The following XRRA1 variants were observed in gnomAD, a reference collection of about 807,000 sequenced individuals.
XRRA1 encodes the protein X-ray radiation resistance associated 1.
A neutral mutation model predicts 80.2 loss-of-function variants in XRRA1; 69 were observed. That is an observed-to-expected ratio of 0.86 (90% CI 0.71 to 1.05). The LOEUF (loss-of-function observed/expected upper bound fraction) is 1.05. XRRA1 is among the 50% of genes least tolerant of loss of function. XRRA1 has a pLI of 0.00. For synonymous variants in XRRA1, 348 were observed against 389.9 expected, an observed-to-expected ratio of 0.89 and a Z score of 1.27; for missense variants, 967 against 976.4, an observed-to-expected ratio of 0.99 and a Z score of 0.13.
intron 10 of XRRA1, among the ~76,000 whole-genome samples, chr11:74,895,208 T>A (rs1229784958): frequency 6.6e-6 from 1 of 152,178 alleles, no homozygotes; most frequent in Non-Finnish European, 1.5e-5. Context: ...TCCTCCTCCA[T>A]CCCCTGGCAG....
intron 10 of XRRA1, among the ~76,000 whole-genome samples, chr11:74,899,078 G>T (rs1006756908): frequency 6.6e-6 from 1 of 152,106 alleles, no homozygotes; most frequent in South Asian, 2.1e-4. Context: ...GACCATAATG[G>T]AATAAAATTA....
intron 14 of XRRA1, 33 bp downstream of exon 14, chr11:74,851,055 C>T: frequency 6.4e-7 from 1 of 1,571,934 alleles, no homozygotes; most frequent in Non-Finnish European, 8.7e-7. Context: ...TGCACTCTTC[C>T]TGGGGGTGGG....
At chr11:74,853,887 CA>C (rs2040466302) in intron 12 of XRRA1, among the ~76,000 whole-genome samples, 1 of 151,910 alleles carries the variant, frequency 6.6e-6, no homozygotes, top group Non-Finnish European at 1.5e-5. Context: ...AGGGGCCAAA[CA>C]AAAGGTGGTT....
rs1371425471 is a variant in XRRA1, at chr11:74,889,210, C to G, written c.1003+17029G>C. Among the ~76,000 whole-genome samples, 3 of 152,114 alleles carry G rather than the reference C, an allele frequency of 2.0e-5. No homozygotes were observed. The East Asian group carries it at 5.8e-4, about 29-fold the overall frequency. Reference sequence around the variant, plus strand: ...ATCAGACTAACAGCTGATCTCTTGACAGAAACTCTACAAGCCAGAAGAGAG... The same window carrying G: ...ATCAGACTAACAGCTGATCTCTTGAGAGAAACTCTACAAGCCAGAAGAGAG... On this transcript the variant is annotated intron_variant, in intron 10 of 18. Coordinates refer to ENST00000684022, the MANE Select transcript of XRRA1 (RefSeq NM_001378157.1).
chr11:74,941,538 A>G (rs759263647), intron 2 of XRRA1, among the ~76,000 whole-genome samples: 7 of 152,180 alleles, frequency 4.6e-5, no homozygotes, highest in Non-Finnish European at 1.0e-4. Flanking sequence ...GTAGTCTTGA[A>G]CAATAAAGCT....
chr11:74,843,434 C>G lies in XRRA1; in HGVS notation c.2169G>C (p.Trp723Cys). ...EAPLGAVLHQ[W>C]TERRLVNHKQ... Reference sequence around the variant, plus strand: ...TGTGGTTCACCAGCCGCCGTTCTGTCCACTGGTGCAGGACAGCACCTGCAG... The same window carrying G: ...TGTGGTTCACCAGCCGCCGTTCTGTGCACTGGTGCAGGACAGCACCTGCAG... The change falls in exon 19 of 19, where the codon TGG becomes TGC. Residue 723 changes from tryptophan (W) to cysteine (C), a missense_variant. Physicochemically the swap from Trp to Cys is radical, Grantham distance 215. Coordinates refer to ENST00000684022, the MANE Select transcript of XRRA1 (RefSeq NM_001378157.1). 1 of 1,612,514 alleles carries G rather than the reference C, an allele frequency of 6.2e-7. No individual in the cohort carries two copies. Among genetic ancestry groups the G allele is most frequent in the South Asian group, 1.1e-5 (1 of 90,572 alleles).
rs909578226 is a variant in XRRA1 at position 74,848,237 on chromosome 11, A to G, written c.1606T>C (p.Ser536Pro). The G allele has an allele frequency of 1.9e-6, 3 of 1,613,550 alleles. No individual in the cohort carries two copies. Among genetic ancestry groups the G allele is most frequent in the Non-Finnish European group, 2.5e-6 (3 of 1,179,812 alleles). ...RTFVPLPPICSNSTVHSEETL... is the reference protein window; with the variant it reads ...RTFVPLPPICPNSTVHSEETL... ...TCTTCACTATGCACAGTGGAGTTGG[A>G]GCAGATGGGAGGCAGTGGCACGAAG... Residue 536 changes from serine (S) to proline (P), a missense_variant, in exon 15 of 19, where the codon TCC (serine) becomes CCC (proline). Transcript: ENST00000684022.
At chr11:74,918,299 A>AGTGTGT (rs35763136) in intron 8 of XRRA1, among the ~76,000 whole-genome samples, 2,763 of 150,128 alleles carry the variant, frequency 0.018, 34 homozygotes, top group South Asian at 0.037. Context: ...TTCCTTCCTT[A>AGTGTGT]GTGTGTGTGT....
intron 12 of XRRA1, among the ~76,000 whole-genome samples, chr11:74,854,655 T>C (rs2040648242): frequency 6.6e-6 from 1 of 152,200 alleles, no homozygotes; most frequent in Non-Finnish European, 1.5e-5. Flanking sequence ...AAACAGGCTA[T>C]ACCAAAACCA....
intron 12 of XRRA1, among the ~76,000 whole-genome samples, chr11:74,855,209 GC>G (rs1345241856): frequency 1.3e-4 from 20 of 152,114 alleles, no homozygotes; most frequent in African/African-American, 4.8e-4. Context: ...CTAAAAAGGT[GC>G]CCAATATGTT....
At chr11:74,919,624 G>A in intron 8 of XRRA1, 1 of 554,158 alleles carries the variant, frequency 1.8e-6, no homozygotes. Context: ...AAGAAAAAGG[G>A]CCGTTCTGCC....
chr11:74,881,175 G>C (rs1244289156), intron 10 of XRRA1, among the ~76,000 whole-genome samples: 5 of 150,274 alleles, frequency 3.3e-5, no homozygotes, highest in African/African-American at 7.3e-5. Flanking sequence ...ATTTAGGATA[G>C]TTAGCTCTTC....
Position 74,906,324 on chromosome 11 carries a change from C to T in XRRA1, c.918G>A (p.Leu306=). 3.1e-6 allele frequency: 5 copies of T among 1,614,016 alleles called. No homozygotes were observed. The South Asian group carries it at 3.3e-5, about 11-fold the overall frequency. The stretch of plus-strand genomic sequence containing the variant: ...CCTCAAGCATCCTTGGCTTGGACTG[C>T]AGCATGAATTGGGGCTCTTTATGGG... ...GSPHKEPQFM[L]QSKPRMLEDS... Residue 306 remains leucine, a synonymous_variant, in exon 10 of 19, where the codon CTG becomes CTA. Coordinates refer to ENST00000684022, the MANE Select transcript of XRRA1 (RefSeq NM_001378157.1).
chr11:74,846,568 A>C (rs1182351726), intron 15 of XRRA1, among the ~76,000 whole-genome samples: 1 of 152,232 alleles, frequency 6.6e-6, no homozygotes, highest in Non-Finnish European at 1.5e-5. Context: ...CAACAAGTAA[A>C]AGGGATTATA....
At chr11:74,845,368 C>T in intron 15 of XRRA1, 97 bp from the exon 16 acceptor site, 2 of 1,324,718 alleles carry the variant, frequency 1.5e-6, no homozygotes, top group Non-Finnish European at 2.1e-6. Flanking sequence ...TCTGCTGGGC[C>T]CTGTTAAGGG....
At chr11:74,855,917 G>A (rs1184390199) in intron 12 of XRRA1, among the ~76,000 whole-genome samples, 2 of 152,022 alleles carry the variant, frequency 1.3e-5, no homozygotes, top group South Asian at 2.1e-4. Context: ...GGTGGATCAC[G>A]AGGTCAGGAG....
At position 74,940,848 on chromosome 11, in the gene XRRA1, C is replaced by A. The variant is rs369112462; in HGVS notation, c.31G>T (p.Asp11Tyr). The A allele has an allele frequency of 1.3e-5, 21 of 1,609,298 alleles. No homozygotes were observed. Among genetic ancestry groups the A allele is most frequent in the Non-Finnish European group, 1.6e-5 (19 of 1,177,992 alleles). Residue 11 changes from aspartate (D) to tyrosine (Y), a missense_variant, in exon 3 of 19, where the codon GAT (aspartate) becomes TAT (tyrosine). Physicochemically the swap from Asp to Tyr is radical, Grantham distance 160. Coordinates refer to ENST00000684022, the MANE Select transcript of XRRA1 (RefSeq NM_001378157.1). ...CAGTTGTTCAGGTAAGGCTTCCCAT[C>A]ATCCAGCTTGTAGATTCCTGAGAAG... MAFSGIYKLD[D>Y]GKPYLNNCFP...
chr11:74,851,784 G>T (rs777469104), intron 13 of XRRA1, among the ~76,000 whole-genome samples: 8 of 152,192 alleles, frequency 5.3e-5, no homozygotes, highest in Non-Finnish European at 1.2e-4. Flanking sequence ...ACCACTGTCC[G>T]TGGGGACAAT....
intron 10 of XRRA1, among the ~76,000 whole-genome samples, chr11:74,905,234 C>T (rs926440208): frequency 1.3e-5 from 2 of 152,034 alleles, no homozygotes; most frequent in Admixed American, 6.6e-5. Flanking sequence ...GATAGGGTCT[C>T]GTTCTGTCAT....
Sources: allele counts gnomAD v4.1 joint callset (sites outside exome capture counted in the v4.1 genomes callset), GRCh38; gene constraint gnomAD v4.1.1; transcripts MANE v1.5; gene names NCBI Gene and HGNC (gene_info 2026-07-23, HGNC 2026-07-21).